The following NEURL4 variants were observed in gnomAD, a reference collection of about 807,000 sequenced individuals.
NEURL4 encodes neuralized-like protein 4.
NEURL4 carries 45 observed loss-of-function variants against 148.0 expected under a neutral mutation model. The ratio of observed to expected loss-of-function variants is 0.30; its 90% CI spans 0.24 to 0.39. The LOEUF (loss-of-function observed/expected upper bound fraction) is 0.39. Among genes scored for constraint, NEURL4 ranks in the 10% least tolerant of loss-of-function variants. The pLI is 1.00. For synonymous variants in NEURL4, 854 were observed against 869.0 expected, an observed-to-expected ratio of 0.98 and a Z score of 0.30; for missense variants, 1,776 against 2,144.0, an observed-to-expected ratio of 0.83 and a Z score of 3.39.
At position 7,321,108 on chromosome 17, in the gene NEURL4, T is replaced by C. The variant is rs750058320; in HGVS notation, c.3360+4A>G. ...GCACAGCAGACCATGCTGCAGCCTC[T>C]TACTCCCAGGCCATGCTCCTCGCCC... On this transcript the variant is annotated splice_donor_region_variant and intron_variant, in intron 20 of 28. Transcript: ENST00000399464. The surrounding 1 kb of genome is among the most constrained non-coding windows in gnomAD (Gnocchi z 6.3). The C allele has an allele frequency of 7.4e-6, 12 of 1,613,182 alleles. No individual in the cohort carries two copies. The South Asian group carries it at 1.3e-4, about 18-fold the overall frequency.
chr17:7,317,387 G>C lies in NEURL4; in HGVS notation c.4319-17C>G. 1 of 1,598,096 alleles carries C rather than the reference G, an allele frequency of 6.3e-7. No individual in the cohort carries two copies. The highest frequency in any genetic ancestry group is 8.5e-7 in the Non-Finnish European group (1 of 1,170,988). ...AGGCAGTACCTGGGAGGAGAACTGG[G>C]TCAGGATAGCCCTTTTTATTCCTCC... On this transcript the variant is annotated splice_polypyrimidine_tract_variant and intron_variant, in intron 27 of 28. Transcript: ENST00000399464.
rs1438778246 is a variant in NEURL4, at chr17:7,318,885, G to A, written c.3684+165C>T. 9.8e-6 allele frequency: 9 copies of A among 921,128 alleles called. No individual in the cohort carries two copies. The highest frequency in any genetic ancestry group is 1.5e-5 in the Non-Finnish European group (9 of 619,694). The allele number at this position is 921,128 out of a possible 1,614,324, so 57.1% of individuals were successfully genotyped here. On this transcript the variant is annotated intron_variant, in intron 22 of 28. Transcript: ENST00000399464. The surrounding 1 kb of genome is among the most constrained non-coding windows in gnomAD (Gnocchi z 4.3). ...GCAGGGACACCGCAGGAAGCAGCAG[G>A]CCTAAGACTGACCAGGCAATGCTAC...
At chr17:7,320,074 C>G (rs1450695213) in intron 21 of NEURL4, among the ~76,000 whole-genome samples, 2 of 152,004 alleles carry the variant, frequency 1.3e-5, no homozygotes, top group African/African-American at 2.4e-5. Flanking sequence ...TCGTGATCTG[C>G]CCGCCTCGGC....
chr17:7,317,133 C>G, intron 28 of NEURL4, 72 bp downstream of exon 28: 1 of 1,129,924 alleles, frequency 8.9e-7, no homozygotes, highest in Non-Finnish European at 1.2e-6. Context: ...ATCATGAAGA[C>G]CCCAGTGGCT....
chr17:7,324,552 A>T lies in NEURL4; in HGVS notation c.1814-72T>A. 7.1e-7 allele frequency: 1 copy of T among 1,401,726 alleles called. No homozygotes were observed. The highest frequency in any genetic ancestry group is 1.0e-6 in the Non-Finnish European group (1 of 989,856). 86.8% of individuals were successfully genotyped at this position (1,401,726 alleles called of 1,614,324 possible). ...TCCTCTCCTTGCCACAGCAGCGCCC[A>T]CAGGACTCCCGAGCCCACAGTCCAC... On this transcript the variant is annotated intron_variant, in intron 9 of 28. Coordinates refer to ENST00000399464, the MANE Select transcript of NEURL4 (RefSeq NM_032442.3). This position sits in a 1 kb window ranked among gnomAD's most constrained non-coding sequence, Gnocchi z 5.9.
In NEURL4 at chr17:7,321,412, G is replaced by A. The variant is rs759125178; in HGVS notation, c.3147C>T (p.His1049=). 1.2e-6 allele frequency: 2 copies of A among 1,614,122 alleles called. No homozygotes were observed. The change falls in exon 19 of 29, where the codon CAC becomes CAT. Residue 1049 remains histidine, a synonymous_variant. Transcript: ENST00000399464. The surrounding 1 kb of genome is among the most constrained non-coding windows in gnomAD (Gnocchi z 6.3). ...GVRRGADDTM[H]ILVDGEDMGP... ...CCATATCCTCTCCATCCACCAGGATGTGCATCGTGTCATCTGCCCCCCGAC... is the reference window on the plus strand; with the variant it reads ...CCATATCCTCTCCATCCACCAGGATATGCATCGTGTCATCTGCCCCCCGAC...
intron 27 of NEURL4, 21 bp from the exon 28 acceptor site, chr17:7,317,391 G>A (rs1291877782): frequency 6.2e-7 from 1 of 1,603,112 alleles, no homozygotes; most frequent in South Asian, 1.1e-5. Context: ...AACTGGGTCA[G>A]GATAGCCCTT....
rs1265440954 is a variant in NEURL4 at position 7,322,942 on chromosome 17, A to T, written c.2593+6T>A. ...GAGGGTGGCAGGCTGAAAGCCACATAGTCACCTTTACCCGGAGGCAGGCCC... is the reference window on the plus strand; with the variant it reads ...GAGGGTGGCAGGCTGAAAGCCACATTGTCACCTTTACCCGGAGGCAGGCCC... On this transcript the variant is annotated splice_donor_region_variant and intron_variant, in intron 15 of 28. Transcript: ENST00000399464. This position sits in a 1 kb window ranked among gnomAD's most constrained non-coding sequence, Gnocchi z 5.5. 2 of 1,612,360 alleles carry T rather than the reference A, an allele frequency of 1.2e-6. No homozygotes were observed. Among genetic ancestry groups the T allele is most frequent in the African/African-American group, 2.7e-5 (2 of 74,880 alleles).
At position 7,317,886 on chromosome 17, in the gene NEURL4, C is replaced by T. The variant is rs2072972076; in HGVS notation, c.4107G>A (p.Glu1369=). 6.2e-7 allele frequency: 1 copy of T among 1,614,098 alleles called. No individual in the cohort carries two copies. The highest frequency in any genetic ancestry group is 8.5e-7 in the Non-Finnish European group (1 of 1,180,062). The change falls in exon 26 of 29, where the codon GAG becomes GAA. Residue 1369 remains glutamate (E), a synonymous_variant. Transcript: ENST00000399464. ...CGTCTCCTCGCAGCTTCCGGCAAGA[C>T]TCACAGTAGCACAGGCTTCGCTTTG... ...PPPKRSLCYC[E]SCRKLRGDEA... is the part of the protein sequence containing the mutation.
chr17:7,324,398 G>A lies in NEURL4; in HGVS notation c.1896C>T (p.Leu632=), dbSNP rs764604274. The A allele has an allele frequency of 1.2e-6, 2 of 1,614,180 alleles. No individual in the cohort carries two copies. The highest frequency in any genetic ancestry group is 2.2e-5 in the South Asian group (2 of 91,090). The change falls in exon 10 of 29, where the codon CTC becomes CTT. Residue 632 remains leucine, a synonymous_variant. Transcript: ENST00000399464. This position sits in a 1 kb window ranked among gnomAD's most constrained non-coding sequence, Gnocchi z 5.9. ...LDEYGHNLDR[L]KAGDTVGVVR... ...GGCGGCGCACCCACTTTCCCACCTT[G>A]AGGCGGTCCAGATTGTGCCCGTATT...
chr17:7,327,719 G>T lies in NEURL4; in HGVS notation c.448C>A (p.Leu150Met). Residue 150 changes from leucine to methionine, a missense_variant, in exon 2 of 29, where the codon CTG becomes ATG. Coordinates refer to ENST00000399464, the MANE Select transcript of NEURL4 (RefSeq NM_032442.3). The surrounding 1 kb of genome is among the most constrained non-coding windows in gnomAD (Gnocchi z 6.6). ...RSVLEEYGQDLDQLGEGDRVG... is the reference protein window; with the variant it reads ...RSVLEEYGQDMDQLGEGDRVG... Reference sequence around the variant, plus strand: ...CGGTCCCCTTCACCAAGCTGGTCCAGGTCCTGACCATACTCCTCCAACACA... The same window carrying T: ...CGGTCCCCTTCACCAAGCTGGTCCATGTCCTGACCATACTCCTCCAACACA... 1 of 1,614,128 alleles carries T rather than the reference G, an allele frequency of 6.2e-7. No individual in the cohort carries two copies. Among genetic ancestry groups the T allele is most frequent in the Non-Finnish European group, 8.5e-7 (1 of 1,180,040 alleles).
intron 8 of NEURL4, 46 bp downstream of exon 8, chr17:7,325,163 C>CAAAAAAAAAAAA: frequency 1.6e-6 from 1 of 608,026 alleles, no homozygotes; most frequent in Non-Finnish European, 2.7e-6. Context: ...CCCCCCCCCC[C>CAAAAAAAAAAAA]ATTAGAATCC....
chr17:7,327,069 G>C lies in NEURL4; in HGVS notation c.794-60C>G. The C allele has an allele frequency of 1.3e-6, 2 of 1,599,656 alleles. No individual in the cohort carries two copies. The highest frequency in any genetic ancestry group is 2.2e-5 in the South Asian group (2 of 90,886). ...GTTGGGATGAGGCTCTACACCCCCA[G>C]ACCTGGTGCCTCTCTCCCTACCCCT... is the stretch of plus-strand genomic sequence containing the variant. On this transcript the variant is annotated intron_variant, in intron 3 of 28. Transcript: ENST00000399464. This position sits in a 1 kb window ranked among gnomAD's most constrained non-coding sequence, Gnocchi z 6.6.
In NEURL4 at chr17:7,318,486, G is replaced by A; in HGVS notation, c.3864+9C>T. 1 of 1,602,088 alleles carries A rather than the reference G, an allele frequency of 6.2e-7. No individual in the cohort carries two copies. Among genetic ancestry groups the A allele is most frequent in the Non-Finnish European group, 8.5e-7 (1 of 1,172,664 alleles). On this transcript the variant is annotated intron_variant, in intron 23 of 28. Transcript: ENST00000399464. This position sits in a 1 kb window ranked among gnomAD's most constrained non-coding sequence, Gnocchi z 4.3. ...GGCACCCCTCCTCCCTGCCCCCACTGCCACTAACCTGCTCACACTGCCCAT... is the reference window on the plus strand; with the variant it reads ...GGCACCCCTCCTCCCTGCCCCCACTACCACTAACCTGCTCACACTGCCCAT...
rs762283328 is a variant in NEURL4 at position 7,324,522 on chromosome 17, A to C, written c.1814-42T>G. The C allele has an allele frequency of 5.1e-6, 8 of 1,560,402 alleles. No homozygotes were observed. The highest frequency in any genetic ancestry group is 7.1e-6 in the Non-Finnish European group (8 of 1,131,314). On this transcript the variant is annotated intron_variant, in intron 9 of 28. Transcript: ENST00000399464. The surrounding 1 kb of genome is among the most constrained non-coding windows in gnomAD (Gnocchi z 5.9). ...CAGGAGGGGACATGAGGGGAAATGC[A>C]GGGCTCCTCTCCTTGCCACAGCAGC... is the stretch of plus-strand genomic sequence containing the variant.
rs371544083 is a variant in NEURL4 at position 7,321,761 on chromosome 17, C to G, written c.2898G>C (p.Lys966Asn). 6 of 1,613,508 alleles carry G rather than the reference C, an allele frequency of 3.7e-6. No individual in the cohort carries two copies. In the African/African-American group the frequency reaches 8.0e-5, roughly 22 times the overall value. Residue 966 changes from lysine to asparagine, a missense_variant, in exon 18 of 29, where the codon AAG becomes AAC. Transcript: ENST00000399464. The surrounding 1 kb of genome is among the most constrained non-coding windows in gnomAD (Gnocchi z 6.3). ...GCCCCAGCCGCAGGGAACCTGCCCA[C>G]TTCTCATCTAGCTCTTCCACTTTCA... ...FEVKVEELDE[K>N]WAGSLRLGLT...
chr17:7,325,331 G>A lies in NEURL4; in HGVS notation c.1509C>T (p.Pro503=), dbSNP rs776356673. ...GGGCAGCACGGCGGAGAGCACCCTC[G>A]GGGGACAGCGCCCGCAGGATGGCGT... ...RNNAILRALS[P]EGALRRAAPA... is the part of the protein sequence containing the mutation. Residue 503 remains proline (P), a synonymous_variant, in exon 8 of 29, where the codon CCC becomes CCT. Coordinates refer to ENST00000399464, the MANE Select transcript of NEURL4 (RefSeq NM_032442.3). The A allele has an allele frequency of 2.7e-5, 43 of 1,613,260 alleles. No individual in the cohort carries two copies. Among genetic ancestry groups the A allele is most frequent in the South Asian group, 3.3e-5 (3 of 91,072 alleles).
Position 7,325,685 on chromosome 17 carries a change from T to G in NEURL4, c.1322A>C (p.Lys441Thr). The change falls in exon 7 of 29, where the codon AAG becomes ACG. Residue 441 changes from lysine (K) to threonine (T), a missense_variant. Physicochemically the swap from Lys to Thr is moderately conservative, Grantham distance 78. Transcript: ENST00000399464. ...GAAGAAGTGTAGGGCAGAGTTGGAC[T>G]TCCTTGTGAGGCCAATGTGGTCACC... is the stretch of plus-strand genomic sequence containing the variant. ...QEGDHIGLTR[K>T]SNSALHFFIN... is the part of the protein sequence containing the mutation. 6.2e-7 allele frequency: 1 copy of G among 1,613,728 alleles called. No homozygotes were observed. The highest frequency in any genetic ancestry group is 1.3e-5 in the African/African-American group (1 of 74,940).
At position 7,323,222 on chromosome 17, in the gene NEURL4, C is replaced by T. The variant is rs972340693; in HGVS notation, c.2418-99G>A. The T allele has an allele frequency of 1.2e-4, 164 of 1,341,188 alleles. 1 individual carries two copies. Among genetic ancestry groups the T allele is most frequent in the Non-Finnish European group, 1.4e-4 (137 of 966,632 alleles). The allele number at this position is 1,341,188 out of a possible 1,614,324, so 83.1% of individuals were successfully genotyped here. A position where few individuals can be genotyped will look rare whatever the true frequency, so the allele number is the denominator to read the frequency against. Reference sequence around the variant, plus strand: ...TGTCAGAACCCTCCAATGTCTTGGGCTGGTGTCTTGATCTGGGTGTAAGGC... The same window carrying T: ...TGTCAGAACCCTCCAATGTCTTGGGTTGGTGTCTTGATCTGGGTGTAAGGC... On this transcript the variant is annotated intron_variant, in intron 14 of 28. Transcript: ENST00000399464.
Sources: allele counts gnomAD v4.1 joint callset (sites outside exome capture counted in the v4.1 genomes callset), GRCh38; gene constraint gnomAD v4.1.1; non-coding constraint Gnocchi (gnomAD v3.1); transcripts MANE v1.5; gene names NCBI Gene and HGNC (gene_info 2026-07-23, HGNC 2026-07-21).